LRRC4C: variants seen among roughly 807,000 people sequenced by gnomAD.
LRRC4C encodes leucine-rich repeat-containing protein 4C.
LRRC4C carries 5 observed loss-of-function variants against 33.6 expected under a neutral mutation model. That is an observed-to-expected ratio of 0.15 (90% CI 0.08 to 0.31). The LOEUF is 0.31. Ranked by LOEUF, LRRC4C falls within the 10% of genes least tolerant of loss-of-function variation. The pLI is 1.00. For synonymous variants in LRRC4C, 329 were observed against 302.0 expected, an observed-to-expected ratio of 1.09 and a Z score of -0.93; for missense variants, 560 against 796.7, an observed-to-expected ratio of 0.70 and a Z score of 3.58.
chr11:40,470,307 G>A (rs989775917), intron 3 of LRRC4C, among the ~76,000 whole-genome samples: 2 of 152,226 alleles, frequency 1.3e-5, no homozygotes, highest in Non-Finnish European at 2.9e-5. Context: ...CTGTTAGAAG[G>A]AAAGCTAACA....
intron 1 of LRRC4C, among the ~76,000 whole-genome samples, chr11:41,170,396 C>A (rs1470949635): frequency 1.3e-5 from 2 of 152,040 alleles, no homozygotes; most frequent in African/African-American, 4.8e-5. Context: ...GGTACTGGTA[C>A]CAAAACAGAG....
At chr11:41,295,376 G>A (rs761591317) in intron 1 of LRRC4C, among the ~76,000 whole-genome samples, 3 of 152,132 alleles carry the variant, frequency 2.0e-5, no homozygotes, top group Non-Finnish European at 4.4e-5. Flanking sequence ...TAAATAAAAT[G>A]TTTGTGGTGA....
At chr11:41,368,384 CA>C (rs1565617691) in intron 1 of LRRC4C, among the ~76,000 whole-genome samples, 1 of 152,322 alleles carries the variant, frequency 6.6e-6, no homozygotes, top group Non-Finnish European at 1.5e-5. Flanking sequence ...TTGAATAGAA[CA>C]CCTGTTCGGA....
At chr11:41,288,867 G>C (rs1454508857) in intron 1 of LRRC4C, among the ~76,000 whole-genome samples, 1 of 152,140 alleles carries the variant, frequency 6.6e-6, no homozygotes, top group Non-Finnish European at 1.5e-5. Context: ...GCCAGCAGGA[G>C]AGTGTCTTGC....
chr11:41,133,124 A>AAC (rs1403503610), intron 1 of LRRC4C, among the ~76,000 whole-genome samples: 1 of 152,092 alleles, frequency 6.6e-6, no homozygotes, highest in East Asian at 1.9e-4. Context: ...AAAGGAACTA[A>AAC]ACACACACAA....
At chr11:40,800,245 G>A (rs1204201164) in intron 2 of LRRC4C, among the ~76,000 whole-genome samples, 1 of 152,146 alleles carries the variant, frequency 6.6e-6, no homozygotes, top group Non-Finnish European at 1.5e-5. Flanking sequence ...TATTGGCAAA[G>A]TCCTTATAAA....
chr11:40,799,189 G>GT (rs936200858), intron 2 of LRRC4C, among the ~76,000 whole-genome samples: 5 of 151,938 alleles, frequency 3.3e-5, no homozygotes, highest in Non-Finnish European at 5.9e-5. Flanking sequence ...CTACAAATAG[G>GT]TTTTTTAAAT....
In LRRC4C at chr11:40,132,104, A is replaced by T. The variant is rs201390184; in HGVS notation, c.-43+8697T>A. On this transcript the variant is annotated intron_variant, in intron 6 of 6. Coordinates refer to ENST00000528697, the MANE Select transcript of LRRC4C (RefSeq NM_001258419.2). Reference sequence around the variant, plus strand: ...TCAAAGAGATTTATGGCTGCAAAAAAGTTTAAGTTCCATACAAAATAATTG... The same window carrying T: ...TCAAAGAGATTTATGGCTGCAAAAATGTTTAAGTTCCATACAAAATAATTG... Among the ~76,000 whole-genome samples the T allele has an allele frequency of 7.9e-5, 12 of 152,360 alleles. No individual in the cohort carries two copies. The East Asian group carries it at 2.3e-3, about 29-fold the overall frequency.
At chr11:40,351,244 T>A (rs2137082355) in intron 3 of LRRC4C, among the ~76,000 whole-genome samples, 1 of 152,182 alleles carries the variant, frequency 6.6e-6, no homozygotes, top group East Asian at 1.9e-4. Context: ...TCTAGTTTTA[T>A]TTCATTGCTG....
intron 2 of LRRC4C, among the ~76,000 whole-genome samples, chr11:40,709,203 C>A (rs1397842670): frequency 6.6e-6 from 1 of 152,158 alleles, no homozygotes; most frequent in African/African-American, 2.4e-5. Flanking sequence ...AGCCCATTTA[C>A]ATTTCAGGTT....
chr11:40,222,263 A>G (rs1864476618), intron 5 of LRRC4C, among the ~76,000 whole-genome samples: 1 of 152,116 alleles, frequency 6.6e-6, no homozygotes, highest in South Asian at 2.1e-4. Context: ...GCCTCGCTTA[A>G]AGTGTTTGCT....
In LRRC4C at chr11:41,445,355, T is replaced by C. The variant is rs943782312; in HGVS notation, c.-496+14076A>G. On this transcript the variant is annotated intron_variant, in intron 1 of 6. Transcript: ENST00000528697. ...TCTGAATGAAGGGATCATAAAAGCA[T>C]ATCAAGATCCATGTTGCCCCACAAA... Among the ~76,000 whole-genome samples, 6 of 152,274 alleles carry C rather than the reference T, an allele frequency of 3.9e-5. No individual in the cohort carries two copies. In the Middle Eastern group the frequency reaches 0.01, roughly 259 times the overall value.
intron 5 of LRRC4C, among the ~76,000 whole-genome samples, chr11:40,158,280 G>T (rs1471856616): frequency 6.6e-6 from 1 of 152,026 alleles, no homozygotes; most frequent in African/African-American, 2.4e-5. Flanking sequence ...TGGAAGCGGG[G>T]ATGAAGGATA....
intron 2 of LRRC4C, among the ~76,000 whole-genome samples, chr11:40,819,708 C>T (rs1010612572): frequency 6.8e-6 from 1 of 146,846 alleles, no homozygotes; most frequent in Non-Finnish European, 1.5e-5. Flanking sequence ...AAAATAAATG[C>T]CAGGGAAGGC....
intron 3 of LRRC4C, among the ~76,000 whole-genome samples, chr11:40,639,163 GAA>G (rs57730547): frequency 1.6e-4 from 23 of 141,738 alleles, no homozygotes; most frequent in African/African-American, 3.3e-4. Context: ...TAAGGTTGTT[GAA>G]AAAAAAAAAA....
intron 3 of LRRC4C, among the ~76,000 whole-genome samples, chr11:40,593,988 TG>T (rs1959167617): frequency 6.6e-6 from 1 of 152,192 alleles, no homozygotes; most frequent in African/African-American, 2.4e-5. Flanking sequence ...ACTAACAGTG[TG>T]GAACATGCTT....
intron 2 of LRRC4C, among the ~76,000 whole-genome samples, chr11:40,721,921 G>A (rs1048422265): frequency 6.6e-6 from 1 of 152,030 alleles, no homozygotes; most frequent in African/African-American, 2.4e-5. Context: ...ATCCAGCCTG[G>A]GCGACAGAGC....
At chr11:41,250,168 C>CA (rs1332210253) in intron 1 of LRRC4C, among the ~76,000 whole-genome samples, 2 of 152,150 alleles carry the variant, frequency 1.3e-5, no homozygotes, top group East Asian at 3.9e-4. Context: ...GACTTCATCT[C>CA]AAAAAACAAA....
intron 1 of LRRC4C, among the ~76,000 whole-genome samples, chr11:41,101,844 A>C (rs1941207008): frequency 6.6e-6 from 1 of 152,126 alleles, no homozygotes; most frequent in Non-Finnish European, 1.5e-5. Context: ...ACGTGGATGA[A>C]ACTGGAGGCC....
Sources: gnomAD v4.1 joint callset for allele counts (sites outside exome capture counted in the v4.1 genomes callset) on GRCh38, gnomAD v4.1.1 for gene constraint, MANE v1.5 for transcripts, NCBI Gene and HGNC (gene_info 2026-07-23, HGNC 2026-07-21) for gene names.